Variants in LHFPL6 observed in about 807,000 individuals in gnomAD.
LHFPL6 encodes LHFPL tetraspan subfamily member 6, also known as LHFPL tetraspan subfamily member 6 protein.
LHFPL6 carries 9 observed loss-of-function variants against 20.6 expected under a neutral mutation model. That is an observed-to-expected ratio of 0.44 (90% CI 0.26 to 0.76). The LOEUF is 0.76. LHFPL6 is among the 30% of genes least tolerant of loss of function. The pLI is 0.20. For synonymous variants in LHFPL6, 105 were observed against 98.7 expected (o/e 1.06, Z -0.38); for missense variants, 218 against 253.5 (o/e 0.86, Z 0.95).
rs1871137328 is a variant in LHFPL6, at chr13:39,551,207, G to A, written c.385+49625C>T. On this transcript the variant is annotated intron_variant, in intron 2 of 3. Transcript: ENST00000379589. ...AGAACAGGTGCCTATTCAGCTCATG[G>A]CTCTGGAGGCTGGCAAGTCCAAGAG... is the stretch of plus-strand genomic sequence containing the variant. Among the ~76,000 whole-genome samples, 3 of 152,206 alleles carry A rather than the reference G, an allele frequency of 2.0e-5. No individual in the cohort carries two copies. The South Asian group carries it at 6.2e-4, about 31-fold the overall frequency.
chr13:39,476,727 C>T (rs894473904), intron 2 of LHFPL6, among the ~76,000 whole-genome samples: 2 of 152,110 alleles, frequency 1.3e-5, no homozygotes, highest in Non-Finnish European at 2.9e-5. Flanking sequence ...ACCATATTTA[C>T]CAAGGGACAC....
intron 2 of LHFPL6, among the ~76,000 whole-genome samples, chr13:39,551,424 A>C (rs377375565): frequency 6.6e-6 from 1 of 152,110 alleles, no homozygotes; most frequent in Non-Finnish European, 1.5e-5. Flanking sequence ...ATTACCTTTT[A>C]TTTGGCCCCA....
intron 2 of LHFPL6, among the ~76,000 whole-genome samples, chr13:39,431,746 A>G (rs549450899): frequency 9.5e-4 from 135 of 141,914 alleles, no homozygotes; most frequent in Non-Finnish European, 1.7e-3. Context: ...CTCATATTCC[A>G]CATCAAATTT....
chr13:39,509,114 T>C (rs770780021), intron 2 of LHFPL6, among the ~76,000 whole-genome samples: 5 of 152,216 alleles, frequency 3.3e-5, no homozygotes, highest in African/African-American at 4.8e-5. Context: ...GAACATCTTT[T>C]TATGTGGTTA....
At chr13:39,553,591 G>A (rs1871208135) in intron 2 of LHFPL6, among the ~76,000 whole-genome samples, 1 of 152,184 alleles carries the variant, frequency 6.6e-6, no homozygotes, top group East Asian at 2.0e-4. Flanking sequence ...GGTGGTCTGT[G>A]CCTGTAGTCC....
At chr13:39,425,453 C>A (rs920053440) in intron 2 of LHFPL6, among the ~76,000 whole-genome samples, 5 of 152,122 alleles carry the variant, frequency 3.3e-5, no homozygotes, top group African/African-American at 1.2e-4. Flanking sequence ...AATGGTTGAG[C>A]CATACAGTAA....
At chr13:39,420,991 T>C (rs191098565) in intron 2 of LHFPL6, among the ~76,000 whole-genome samples, 2 of 152,310 alleles carry the variant, frequency 1.3e-5, no homozygotes, top group East Asian at 3.9e-4. Context: ...GGAAATACTT[T>C]GGTAACAGAA....
chr13:39,575,062 C>T (rs956107520), intron 2 of LHFPL6, among the ~76,000 whole-genome samples: 2 of 151,866 alleles, frequency 1.3e-5, no homozygotes, highest in Non-Finnish European at 2.9e-5. Flanking sequence ...AGAGCAAACT[C>T]CATCTCAAGA....
intron 2 of LHFPL6, among the ~76,000 whole-genome samples, chr13:39,547,625 C>T (rs1287740863): frequency 9.9e-5 from 15 of 152,040 alleles, no homozygotes; most frequent in Admixed American, 9.8e-4. Flanking sequence ...GGACCAGCTC[C>T]TGAGAATTGA....
chr13:39,433,873 C>A (rs1426348758), intron 2 of LHFPL6, among the ~76,000 whole-genome samples: 1 of 152,180 alleles, frequency 6.6e-6, no homozygotes, highest in Non-Finnish European at 1.5e-5. Flanking sequence ...TCACCAGGAG[C>A]CTCCTTTGGG....
At chr13:39,515,260 G>A (rs77715109) in intron 2 of LHFPL6, among the ~76,000 whole-genome samples, 40 of 152,200 alleles carry the variant, frequency 2.6e-4, no homozygotes, top group South Asian at 6.2e-4. Context: ...GAAGCAATGC[G>A]CCTTCAGACC....
intron 3 of LHFPL6, among the ~76,000 whole-genome samples, chr13:39,374,475 G>A (rs1336601138): frequency 2.6e-5 from 4 of 151,626 alleles, no homozygotes; most frequent in African/African-American, 7.3e-5. Flanking sequence ...CCAAATCTCC[G>A]CATCAAGCAA....
chr13:39,381,952 CGTTGTTGAAGTATG>C (rs1390790719), intron 2 of LHFPL6, among the ~76,000 whole-genome samples: 7 of 152,016 alleles, frequency 4.6e-5, no homozygotes, highest in Admixed American at 6.6e-5. Context: ...GCAGCATATG[CGTTGTTGAAGTATG>C]GATGCTGGGA....
At chr13:39,484,750 T>C (rs1343353670) in intron 2 of LHFPL6, among the ~76,000 whole-genome samples, 2 of 152,118 alleles carry the variant, frequency 1.3e-5, no homozygotes, top group Non-Finnish European at 2.9e-5. Context: ...GAAATATCTT[T>C]TGTTATATGC....
intron 3 of LHFPL6, among the ~76,000 whole-genome samples, chr13:39,364,629 G>A (rs759857194): frequency 2.6e-5 from 4 of 152,210 alleles, no homozygotes; most frequent in South Asian, 2.1e-4. Context: ...TCTGTGGCCC[G>A]GTGGATAGTT....
At chr13:39,530,703 A>G (rs1001313048) in intron 2 of LHFPL6, among the ~76,000 whole-genome samples, 3 of 151,958 alleles carry the variant, frequency 2.0e-5, no homozygotes, top group African/African-American at 7.3e-5. Context: ...TGTCTTTTAC[A>G]TTATCACTTT....
At chr13:39,482,714 A>T (rs114489366) in intron 2 of LHFPL6, among the ~76,000 whole-genome samples, 126 of 152,326 alleles carry the variant, frequency 8.3e-4, no homozygotes, top group African/African-American at 2.8e-3. Flanking sequence ...ATGAGAAGGA[A>T]TACCACTGGA....
Position 39,462,577 on chromosome 13 carries a change from C to T in LHFPL6, c.386-84051G>A, listed in dbSNP as rs564459632. On this transcript the variant is annotated intron_variant, in intron 2 of 3. Transcript: ENST00000379589. Reference sequence around the variant, plus strand: ...AGGGCTTTTAAGGAAAGTACACAAACCTGTATTAAGCAACAAATAAATGCC... The same window carrying T: ...AGGGCTTTTAAGGAAAGTACACAAATCTGTATTAAGCAACAAATAAATGCC... 1.1e-4 allele frequency among the ~76,000 whole-genome samples: 16 copies of T among 152,256 alleles called. No homozygotes were observed. The South Asian group carries it at 3.3e-3, about 32-fold the overall frequency.
chr13:39,456,155 G>C (rs111345898), intron 2 of LHFPL6, among the ~76,000 whole-genome samples: 53 of 152,332 alleles, frequency 3.5e-4, no homozygotes, highest in African/African-American at 1.3e-3. Flanking sequence ...TTTCTTAAAA[G>C]TGCCTATTAA....
Sources: gnomAD v4.1 joint callset for allele counts (sites outside exome capture counted in the v4.1 genomes callset) on GRCh38, gnomAD v4.1.1 for gene constraint, MANE v1.5 for transcripts, NCBI Gene and HGNC (gene_info 2026-07-23, HGNC 2026-07-21) for gene names.